AKAP7: variants seen among roughly 807,000 people sequenced by gnomAD.
AKAP7 encodes the protein A-kinase anchoring protein 7.
Under a neutral mutation model 39.5 loss-of-function variants are expected in AKAP7, and 39 were observed. The observed-to-expected ratio is 0.99, with a 90% CI of 0.76 to 1.29. The LOEUF (loss-of-function observed/expected upper bound fraction) is 1.29, where lower values mean the gene tolerates loss of function less well. Among genes scored for constraint, AKAP7 ranks in the 50% most tolerant of loss-of-function variants. AKAP7 has a pLI of 0.00. For missense variants in AKAP7, 414 were observed against 407.7 expected (o/e 1.02, Z -0.13); for synonymous variants, 140 against 139.1 (o/e 1.01, Z -0.05).
intron 7 of AKAP7, among the ~76,000 whole-genome samples, chr6:131,268,301 A>G (rs1813981745): frequency 6.6e-6 from 1 of 152,182 alleles, no homozygotes; most frequent in African/African-American, 2.4e-5. Flanking sequence ...GGGAATTATC[A>G]GTTTCCATCA....
At chr6:131,239,098 G>T (rs551850718) in intron 7 of AKAP7, among the ~76,000 whole-genome samples, 1 of 152,120 alleles carries the variant, frequency 6.6e-6, no homozygotes, top group South Asian at 2.1e-4. Context: ...TTTAGGGCAG[G>T]CCTGGTGGTG....
intron 7 of AKAP7, among the ~76,000 whole-genome samples, chr6:131,272,226 T>C (rs1237158459): frequency 6.6e-6 from 1 of 152,188 alleles, no homozygotes; most frequent in Non-Finnish European, 1.5e-5. Flanking sequence ...CACCCCCCAC[T>C]CCTGATATTG....
At chr6:131,266,652 TA>T (rs1813819395) in intron 7 of AKAP7, among the ~76,000 whole-genome samples, 1 of 152,032 alleles carries the variant, frequency 6.6e-6, no homozygotes, top group South Asian at 2.1e-4. Flanking sequence ...GCTAAAGCAA[TA>T]AATTTATGAG....
At chr6:131,167,682 A>G (rs1803641437) in intron 4 of AKAP7, among the ~76,000 whole-genome samples, 1 of 152,150 alleles carries the variant, frequency 6.6e-6, no homozygotes, top group Admixed American at 6.6e-5. Context: ...TGTCATTTCC[A>G]AAGCGAAATG....
intron 6 of AKAP7, among the ~76,000 whole-genome samples, chr6:131,204,247 C>G (rs183300434): frequency 6.6e-6 from 1 of 151,978 alleles, no homozygotes; most frequent in East Asian, 1.9e-4. Flanking sequence ...GAAGTATTAT[C>G]AATAATAGGG....
At chr6:131,211,961 G>T (rs981040097) in intron 6 of AKAP7, among the ~76,000 whole-genome samples, 1 of 152,056 alleles carries the variant, frequency 6.6e-6, no homozygotes, top group Non-Finnish European at 1.5e-5. Context: ...ACCTAAATGT[G>T]CTCAGAACAC....
At chr6:131,227,564 GTTAA>G (rs947800650) in intron 7 of AKAP7, among the ~76,000 whole-genome samples, 2 of 152,194 alleles carry the variant, frequency 1.3e-5, no homozygotes, top group African/African-American at 4.8e-5. Context: ...AGATAAGACC[GTTAA>G]TTAATTTCAG....
chr6:131,223,455 G>T (rs1809879498), intron 7 of AKAP7, among the ~76,000 whole-genome samples: 1 of 152,136 alleles, frequency 6.6e-6, no homozygotes, highest in South Asian at 2.1e-4. Context: ...AAAGACTTCA[G>T]CTATTTTAAA....
intron 4 of AKAP7, among the ~76,000 whole-genome samples, chr6:131,166,149 T>A (rs932766998): frequency 3.3e-5 from 5 of 152,124 alleles, no homozygotes; most frequent in African/African-American, 1.2e-4. Context: ...TCTTTAGAGG[T>A]CAATCTTATG....
intron 7 of AKAP7, chr6:131,253,065 C>A: frequency 6.2e-7 from 1 of 1,613,594 alleles, no homozygotes; most frequent in Non-Finnish European, 8.5e-7. Flanking sequence ...CCTCTGCAGT[C>A]CTACAGAGAT....
At chr6:131,141,405 C>T (rs1264564224) in intron 1 of AKAP7, among the ~76,000 whole-genome samples, 1 of 152,190 alleles carries the variant, frequency 6.6e-6, no homozygotes, top group East Asian at 1.9e-4. Flanking sequence ...GAAGCAGATG[C>T]TGGTAATATG....
chr6:131,134,408 C>T (rs966998847), upstream of AKAP7, among the ~76,000 whole-genome samples: 2 of 152,172 alleles, frequency 1.3e-5, no homozygotes, highest in African/African-American at 4.8e-5. Flanking sequence ...AAGAATAATC[C>T]TTATGCTGAA....
chr6:131,140,438 A>T (rs1800935884), intron 1 of AKAP7, among the ~76,000 whole-genome samples: 1 of 152,206 alleles, frequency 6.6e-6, no homozygotes, highest in Non-Finnish European at 1.5e-5. Flanking sequence ...CGATTTTGCG[A>T]ACTTTTCTTA....
chr6:131,222,533 A>G (rs1219323427), intron 7 of AKAP7, among the ~76,000 whole-genome samples: 2 of 152,182 alleles, frequency 1.3e-5, no homozygotes, highest in South Asian at 2.1e-4. Flanking sequence ...CTCAAAAAAA[A>G]AGAAAAAAGA....
rs1445529850 is a variant in AKAP7 at position 131,196,240 on chromosome 6, C to A, written c.590-3221C>A. Among the ~76,000 whole-genome samples the A allele has an allele frequency of 2.7e-5, 4 of 147,256 alleles. No individual in the cohort carries two copies. The East Asian group carries it at 7.9e-4, about 29-fold the overall frequency. On this transcript the variant is annotated intron_variant, in intron 5 of 7. Coordinates refer to ENST00000431975, the MANE Select transcript of AKAP7 (RefSeq NM_016377.4). The stretch of plus-strand genomic sequence containing the variant: ...TGTTTGGCCCTGTTATTAAGAGATT[C>A]TAATGCATTCTTCAGCATGTCAGTT...
intron 7 of AKAP7, among the ~76,000 whole-genome samples, chr6:131,233,484 G>A (rs895418724): frequency 1.3e-5 from 2 of 152,110 alleles, no homozygotes; most frequent in African/African-American, 4.8e-5. Context: ...AAATCTCTTA[G>A]CATCATGCCT....
intron 7 of AKAP7, among the ~76,000 whole-genome samples, chr6:131,234,090 A>T (rs1470060801): frequency 6.6e-6 from 1 of 152,198 alleles, no homozygotes; most frequent in African/African-American, 2.4e-5. Flanking sequence ...TTACCAATTC[A>T]TTCATAGCTC....
rs578020493 is a variant in AKAP7 at position 131,257,385 on chromosome 6, A to C, written c.851-24145A>C. Among the ~76,000 whole-genome samples, 12 of 151,788 alleles carry C rather than the reference A, an allele frequency of 7.9e-5. No homozygotes were observed. The South Asian group carries it at 2.5e-3, about 32-fold the overall frequency. On this transcript the variant is annotated intron_variant, in intron 7 of 7. Transcript: ENST00000431975. ...CTTGTCTCAAAAAAAAAAAAAAAAA[A>C]AAAAGTCAGCTTGGCAGAACTATGC...
At chr6:131,246,263 A>C (rs903563140) in intron 7 of AKAP7, among the ~76,000 whole-genome samples, 1 of 152,082 alleles carries the variant, frequency 6.6e-6, no homozygotes, top group Admixed American at 6.6e-5. Context: ...CCCACCTCAT[A>C]CTTTTTAGTT....
Sources: gnomAD v4.1 joint callset for allele counts (sites outside exome capture counted in the v4.1 genomes callset) on GRCh38, gnomAD v4.1.1 for gene constraint, MANE v1.5 for transcripts, NCBI Gene and HGNC (gene_info 2026-07-23, HGNC 2026-07-21) for gene names.